CHD6: variants seen among roughly 807,000 people sequenced by gnomAD.
CHD6 encodes chromodomain helicase DNA binding protein 6, also known as ATP-dependent chromatin remodeler CHD6.
A neutral mutation model predicts 276.9 loss-of-function variants in CHD6; 50 were observed. The ratio of observed to expected loss-of-function variants is 0.18; its 90% CI spans 0.14 to 0.23. The LOEUF (loss-of-function observed/expected upper bound fraction) is 0.23. Among genes scored for constraint, CHD6 ranks in the 10% least tolerant of loss-of-function variants. CHD6 has a pLI of 1.00. For synonymous variants in CHD6, 1,173 were observed against 1,229.3 expected (o/e 0.95, Z 0.96); for missense variants, 2,564 against 3,365.8 (o/e 0.76, Z 5.89).
At position 41,471,408 on chromosome 20, in the gene CHD6, C is replaced by G. The variant is rs73907167; in HGVS notation, c.2664+1914G>C. ...TTCATTACATCCAGCAACTCATATT[C>G]AGCCATCTTTTCACCAGTAGAAAGA... On this transcript the variant is annotated intron_variant, in intron 17 of 36. Coordinates refer to ENST00000373233, the MANE Select transcript of CHD6 (RefSeq NM_032221.5). Among the ~76,000 whole-genome samples the G allele has an allele frequency of 7.6e-3, 1,156 of 152,312 alleles. 9 individuals carry two copies. The highest frequency in any genetic ancestry group is 0.026 in the African/African-American group (1,097 of 41,564).
intron 4 of CHD6, among the ~76,000 whole-genome samples, chr20:41,514,568 T>A (rs949817111): frequency 6.6e-6 from 1 of 152,192 alleles, no homozygotes. Context: ...CAGCCTAATA[T>A]CCTGCTACCT....
chr20:41,402,426 G>GT lies in CHD6; in HGVS notation c.*2166dup, dbSNP rs2046560924. The GT allele has an allele frequency of 4.3e-6, 1 of 230,374 alleles. No individual in the cohort carries two copies. Among genetic ancestry groups the GT allele is most frequent in the African/African-American group, 2.2e-5 (1 of 45,308 alleles). 14.3% of individuals were successfully genotyped at this position (230,374 alleles called of 1,614,324 possible). On this transcript the variant is annotated 3_prime_UTR_variant, in exon 37 of 37. Coordinates refer to ENST00000373233, the MANE Select transcript of CHD6 (RefSeq NM_032221.5). ...AACAAGGGATTGAGCATGCTGGTGG[G>GT]TTTTTAAGTCAGATCCACATTGAAC...
intron 23 of CHD6, among the ~76,000 whole-genome samples, chr20:41,448,407 C>T (rs144146826): frequency 9.9e-5 from 15 of 152,254 alleles, no homozygotes; most frequent in African/African-American, 3.6e-4. Flanking sequence ...GTCTATTTTT[C>T]GTGGCAATAT....
At chr20:41,550,102 G>C (rs1422773023) in intron 2 of CHD6, among the ~76,000 whole-genome samples, 4 of 152,172 alleles carry the variant, frequency 2.6e-5, no homozygotes, top group Non-Finnish European at 5.9e-5. Flanking sequence ...CATCCAGCCA[G>C]TAATGTCTTC....
At chr20:41,412,844 A>G (rs2046882173) in intron 35 of CHD6, among the ~76,000 whole-genome samples, 1 of 152,234 alleles carries the variant, frequency 6.6e-6, no homozygotes, top group South Asian at 2.1e-4. Flanking sequence ...GGAATGTCCT[A>G]AAGCAGAATA....
Position 41,404,623 on chromosome 20 carries a change from T to TA in CHD6, c.8117_8118insT (p.Leu2707ThrfsTer20). 3 of 1,499,910 alleles carry TA rather than the reference T, an allele frequency of 2.0e-6. No homozygotes were observed. Among genetic ancestry groups the TA allele is most frequent in the Non-Finnish European group, 8.9e-7 (1 of 1,123,922 alleles). 92.9% of individuals were successfully genotyped at this position (1,499,910 alleles called of 1,614,324 possible). On this transcript the variant is annotated frameshift_variant, in exon 37 of 37. Transcript: ENST00000373233. LOFTEE classifies it high-confidence loss of function. ...TGGTGTCGTTGTTGGAGTCTTTGAG[T>TA]GCCCCCTCCCCAGCCTGTGCCCCAT...
intron 1 of CHD6, among the ~76,000 whole-genome samples, chr20:41,600,813 A>G (rs1439262606): frequency 6.6e-6 from 1 of 152,164 alleles, no homozygotes; most frequent in Non-Finnish European, 1.5e-5. Flanking sequence ...CCTCACACAA[A>G]CAAGAAACTT....
At chr20:41,501,536 A>C (rs544980393) in intron 5 of CHD6, among the ~76,000 whole-genome samples, 1 of 152,170 alleles carries the variant, frequency 6.6e-6, no homozygotes, top group Non-Finnish European at 1.5e-5. Context: ...AGTATTTTGT[A>C]ATATAAACTA....
intron 1 of CHD6, among the ~76,000 whole-genome samples, chr20:41,591,805 T>C (rs1416497172): frequency 6.6e-6 from 1 of 152,042 alleles, no homozygotes; most frequent in African/African-American, 2.4e-5. Context: ...CACTAAGGTA[T>C]AAAGAATTTC....
At position 41,413,440 on chromosome 20, in the gene CHD6, G is replaced by C. The variant is rs1569045564; in HGVS notation, c.7015C>G (p.Pro2339Ala). 1 of 1,611,642 alleles carries C rather than the reference G, an allele frequency of 6.2e-7. No homozygotes were observed. Among genetic ancestry groups the C allele is most frequent in the Non-Finnish European group, 8.5e-7 (1 of 1,179,702 alleles). Residue 2339 changes from proline (P) to alanine (A), a missense_variant, in exon 35 of 37, where the codon CCT becomes GCT. By Grantham distance (27) the Pro-to-Ala change is conservative. This residue lies in a region of CHD6 where 1,024 missense variants were observed against 1,047.9 expected (regional missense o/e 0.98). Transcript: ENST00000373233. Reference sequence around the variant, plus strand: ...CTGCTGGCTGCCGTAGCTGGCTCAGGAGCCGAGGTGGCAGGCCCTGGCCCC... The same window carrying C: ...CTGCTGGCTGCCGTAGCTGGCTCAGCAGCCGAGGTGGCAGGCCCTGGCCCC... ...PEGPGPATSA[P>A]EPATAASSQA...
At chr20:41,542,180 A>G (rs1437693892) in intron 2 of CHD6, among the ~76,000 whole-genome samples, 1 of 152,204 alleles carries the variant, frequency 6.6e-6, no homozygotes. Context: ...AGGCCAGGAG[A>G]TACATCTTTT....
chr20:41,527,495 C>T (rs2044570802), intron 3 of CHD6, among the ~76,000 whole-genome samples: 1 of 152,086 alleles, frequency 6.6e-6, no homozygotes, highest in Non-Finnish European at 1.5e-5. Context: ...ACCTAAAGAG[C>T]TGGCTACAGA....
intron 5 of CHD6, among the ~76,000 whole-genome samples, chr20:41,502,490 C>G (rs1005924343): frequency 6.6e-6 from 1 of 152,196 alleles, no homozygotes; most frequent in African/African-American, 2.4e-5. Context: ...TTTTGTTCAG[C>G]TGGTCTATTT....
At chr20:41,506,351 T>C (rs564158810) in intron 5 of CHD6, among the ~76,000 whole-genome samples, 1 of 152,106 alleles carries the variant, frequency 6.6e-6, no homozygotes, top group African/African-American at 2.4e-5. Context: ...ACCTCATCTG[T>C]TATGTTTCAG....
chr20:41,610,689 C>T (rs73613231), intron 1 of CHD6, among the ~76,000 whole-genome samples: 3,375 of 152,122 alleles, frequency 0.022, 47 homozygotes, highest in South Asian at 0.04. Flanking sequence ...ACCCAGGAGG[C>T]GGAGCTTGCA....
chr20:41,443,276 A>G (rs760097439), intron 25 of CHD6, among the ~76,000 whole-genome samples: 1 of 152,232 alleles, frequency 6.6e-6, no homozygotes, highest in Non-Finnish European at 1.5e-5. Flanking sequence ...CTCTATCTCC[A>G]ATATGAGACT....
Position 41,484,397 on chromosome 20 carries a change from T to C in CHD6, c.2212A>G (p.Met738Val), listed in dbSNP as rs142017156. 1.2e-6 allele frequency: 2 copies of C among 1,613,716 alleles called. No homozygotes were observed. The highest frequency in any genetic ancestry group is 8.5e-7 in the Non-Finnish European group (1 of 1,179,796). The change falls in exon 15 of 37, where the codon ATG becomes GTG. Residue 738 changes from methionine (M) to valine (V), a missense_variant. Physicochemically the swap from Met to Val is conservative, Grantham distance 21. Around this residue, in one of 7 missense-constraint regions of CHD6, gnomAD observed 457 missense variants for 889.0 expected, o/e 0.51. Transcript: ENST00000373233. ...QHNMPNLINT[M>V]MELRKCCNHP... Reference sequence around the variant, plus strand: ...TTACAGCACTTCCTCAGCTCCATCATGGTGTTGATGAGATTGGGCATGTTG... The same window carrying C: ...TTACAGCACTTCCTCAGCTCCATCACGGTGTTGATGAGATTGGGCATGTTG...
rs779935894 is a variant in CHD6, at chr20:41,533,175, C to T, written c.429G>A (p.Lys143=). The change falls in exon 3 of 37, where the codon AAG becomes AAA. Residue 143 remains lysine, a synonymous_variant. Coordinates refer to ENST00000373233, the MANE Select transcript of CHD6 (RefSeq NM_032221.5). The part of the protein sequence containing the change: ...AKEPKKAKEH[K]EPKQKDGAKK... ...TTGCCCCATCTTTTTGCTTCGGCTCCTTGTGCTCCTTGGCCTTCTTCGGCT... is the reference window on the plus strand; with the variant it reads ...TTGCCCCATCTTTTTGCTTCGGCTCTTTGTGCTCCTTGGCCTTCTTCGGCT... 9 of 1,614,054 alleles carry T rather than the reference C, an allele frequency of 5.6e-6. No homozygotes were observed. In the South Asian group the frequency reaches 7.7e-5, roughly 14 times the overall value.
At chr20:41,600,860 G>A (rs1416331315) in intron 1 of CHD6, among the ~76,000 whole-genome samples, 1 of 152,196 alleles carries the variant, frequency 6.6e-6, no homozygotes, top group Non-Finnish European at 1.5e-5. Flanking sequence ...TACAGGTGCT[G>A]CATGGGTAGC....
Sources: gnomAD v4.1 joint callset for allele counts (sites outside exome capture counted in the v4.1 genomes callset) on GRCh38, gnomAD v4.1.1 for gene constraint, gnomAD v4.1.1 regional missense constraint, MANE v1.5 for transcripts, NCBI Gene and HGNC (gene_info 2026-07-23, HGNC 2026-07-21) for gene names.